The following MCF2L variants were observed in gnomAD, a reference collection of about 807,000 sequenced individuals.
MCF2L encodes the protein MCF.2 cell line derived transforming sequence like.
In MCF2L, 97 loss-of-function variants were observed where a neutral mutation model predicts 153.4. The observed-to-expected ratio is 0.63, with a 90% CI of 0.54 to 0.75. The LOEUF (loss-of-function observed/expected upper bound fraction) is 0.75. MCF2L is among the 30% of genes least tolerant of loss of function. The pLI, the probability that MCF2L is intolerant of heterozygous loss-of-function variation, is 0.00. For missense variants in MCF2L, 1,347 were observed against 1,495.2 expected, an observed-to-expected ratio of 0.90 and a Z score of 1.64; for synonymous variants, 659 against 632.2, an observed-to-expected ratio of 1.04 and a Z score of -0.64.
chr13:113,033,559 G>A (rs1407563539), intron 3 of MCF2L, among the ~76,000 whole-genome samples: 1 of 152,160 alleles, frequency 6.6e-6, no homozygotes, highest in African/African-American at 2.4e-5. Flanking sequence ...GTAAAGGGTC[G>A]CCCCGCCATG....
intron 2 of MCF2L, among the ~76,000 whole-genome samples, chr13:113,016,526 G>A (rs1157704017): frequency 2.6e-5 from 4 of 152,288 alleles, no homozygotes; most frequent in South Asian, 2.1e-4. Context: ...GTGCCTGAGC[G>A]TCAATGGTCT....
chr13:113,044,659 A>G (rs746961992), intron 3 of MCF2L: 11 of 1,611,656 alleles, frequency 6.8e-6, no homozygotes, highest in Admixed American at 1.7e-5. Context: ...TCAGGCTTCT[A>G]CTACCAGGCT....
chr13:112,913,020 G>C (rs1329394750), intron 2 of MCF2L, among the ~76,000 whole-genome samples: 1 of 150,906 alleles, frequency 6.6e-6, no homozygotes, highest in Non-Finnish European at 1.5e-5. Context: ...CTCTGTGTCT[G>C]GGTGTGTCTG....
chr13:113,013,585 C>T (rs948282005), intron 1 of MCF2L, among the ~76,000 whole-genome samples: 3 of 152,326 alleles, frequency 2.0e-5, no homozygotes, highest in Non-Finnish European at 2.9e-5. Context: ...CTGGCAGCCT[C>T]CGCTGGGAAT....
chr13:113,084,042 T>C lies in MCF2L; in HGVS notation c.2036T>C (p.Leu679Pro). ...GAAAACTACACTGACTGCCCAGAAC[T>C]GGTTGGAAGATGCTTTCTGGAGAGG... ...ELENYTDCPE[L>P]VGRCFLERME... Residue 679 changes from leucine (L) to proline (P), a missense_variant, in exon 18 of 30, where the codon CTG becomes CCG. By Grantham distance (98) the Leu-to-Pro change is moderately conservative. Coordinates refer to ENST00000535094, the MANE Select transcript of MCF2L (RefSeq NM_001112732.3). 1 of 1,614,054 alleles carries C rather than the reference T, an allele frequency of 6.2e-7. No individual in the cohort carries two copies. Among genetic ancestry groups the C allele is most frequent in the Non-Finnish European group, 8.5e-7 (1 of 1,179,910 alleles).
intron 2 of MCF2L, among the ~76,000 whole-genome samples, chr13:112,959,719 A>C (rs2140747643): frequency 6.6e-6 from 1 of 152,350 alleles, no homozygotes; most frequent in East Asian, 1.9e-4. Flanking sequence ...GAGGGATGTC[A>C]AAACCCAAAA....
At chr13:113,080,716 C>CTGG (rs2034046070) in intron 15 of MCF2L, among the ~76,000 whole-genome samples, 1 of 152,234 alleles carries the variant, frequency 6.6e-6, no homozygotes, top group Non-Finnish European at 1.5e-5. Context: ...GGGGGCAGCT[C>CTGG]CGGCGATGCC....
chr13:113,025,724 C>T (rs111235318), intron 3 of MCF2L, among the ~76,000 whole-genome samples: 991 of 67,912 alleles, frequency 0.015, 8 homozygotes, highest in Middle Eastern at 0.043. Flanking sequence ...GGGCAGAGTC[C>T]CTGTGAGATT....
intron 2 of MCF2L, 31 bp from the exon 3 acceptor site, chr13:113,024,613 G>A (rs200965215): frequency 3.3e-5 from 50 of 1,509,324 alleles, no homozygotes; most frequent in Admixed American, 1.0e-4. Context: ...TGGAGCCCTC[G>A]GCTAAGGGTC....
chr13:112,928,137 G>A (rs777755189), intron 2 of MCF2L, among the ~76,000 whole-genome samples: 1 of 152,244 alleles, frequency 6.6e-6, no homozygotes, highest in Non-Finnish European at 1.5e-5. Flanking sequence ...CTCTGCACGT[G>A]TTAACAGTTC....
chr13:112,945,288 C>T lies in MCF2L; in HGVS notation c.169+42917C>T, dbSNP rs148611561. 1.6e-4 allele frequency among the ~76,000 whole-genome samples: 25 copies of T among 152,212 alleles called. No homozygotes were observed. The East Asian group carries it at 2.3e-3, about 14-fold the overall frequency. On this transcript the variant is annotated intron_variant, in intron 2 of 29. Transcript: ENST00000375608. ...CAGGAAGCATGAACCCTCAAGTAAA[C>T]GATATGCTTTAGTTAGTAATGATGT...
At chr13:113,069,921 C>A in intron 8 of MCF2L, 138 bp from the exon 9 acceptor site, 2 of 556,560 alleles carry the variant, frequency 3.6e-6, no homozygotes, top group South Asian at 2.1e-5. Flanking sequence ...GGTTTAGGTG[C>A]AGGGAGTGAG....
intron 2 of MCF2L, among the ~76,000 whole-genome samples, chr13:112,955,368 G>A (rs1463232544): frequency 1.3e-5 from 2 of 152,214 alleles, no homozygotes; most frequent in South Asian, 2.1e-4. Context: ...AGCCGCACCC[G>A]ATGGGTCTGA....
intron 12 of MCF2L, 34 bp from the exon 13 acceptor site, chr13:113,077,017 AT>A: frequency 1.3e-6 from 2 of 1,580,610 alleles, no homozygotes; most frequent in Non-Finnish European, 1.7e-6. Context: ...TGACACCAAC[AT>A]GTGCAAGGCA....
In MCF2L at chr13:112,962,006, C is replaced by T. The variant is rs149518006; in HGVS notation, c.170-52757C>T. On this transcript the variant is annotated intron_variant, in intron 2 of 29. Transcript: ENST00000375608. ...GCACACACACATGCACACACAAACA[C>T]GCTTACACATGGGCTCACACCCAGG... 9.4e-4 allele frequency among the ~76,000 whole-genome samples: 142 copies of T among 151,828 alleles called. 2 individuals carry two copies. Among genetic ancestry groups the T allele is most frequent in the African/African-American group, 3.1e-3 (128 of 41,380 alleles).
intron 3 of MCF2L, among the ~76,000 whole-genome samples, chr13:113,036,714 G>A (rs1463664947): frequency 6.6e-6 from 1 of 152,240 alleles, no homozygotes; most frequent in East Asian, 1.9e-4. Context: ...TCAGGTGTCT[G>A]CGATATCATG....
intron 18 of MCF2L, among the ~76,000 whole-genome samples, chr13:113,084,340 G>A (rs914742701): frequency 6.6e-6 from 1 of 150,410 alleles, no homozygotes; most frequent in South Asian, 2.1e-4. Flanking sequence ...AGAACCTCCT[G>A]AACCCCAGAA....
intron 7 of MCF2L, 31 bp downstream of exon 7, chr13:113,065,116 T>TG (rs2032155328): frequency 7.0e-7 from 1 of 1,426,026 alleles, no homozygotes; most frequent in East Asian, 3.0e-5. Context: ...CTGGAAGCTG[T>TG]GGGGGGCTCC....
intron 2 of MCF2L, among the ~76,000 whole-genome samples, chr13:112,922,546 C>T (rs1224141150): frequency 1.3e-5 from 2 of 151,548 alleles, no homozygotes; most frequent in Non-Finnish European, 2.9e-5. Flanking sequence ...AAAAAAAAAC[C>T]CATCAGCCAG....
Sources: gnomAD v4.1 joint callset for allele counts (sites outside exome capture counted in the v4.1 genomes callset) on GRCh38, gnomAD v4.1.1 for gene constraint, MANE v1.5 for transcripts, NCBI Gene and HGNC (gene_info 2026-07-23, HGNC 2026-07-21) for gene names.